Variants in CRY1 observed in about 807,000 individuals in gnomAD.
The protein encoded by CRY1 is cryptochrome-1.
Under a neutral mutation model 76.0 loss-of-function variants are expected in CRY1, and 45 were observed. The observed-to-expected ratio is 0.59, with a 90% CI of 0.47 to 0.76. CRY1 has a LOEUF of 0.76. CRY1 is among the 30% of genes least tolerant of loss of function. The probability of loss-of-function intolerance (pLI) is 0.00; values close to 1 mark genes in which losing one functional copy is unlikely to be tolerated. For missense variants in CRY1, 587 were observed against 716.4 expected, an observed-to-expected ratio of 0.82 and a Z score of 2.06; for synonymous variants, 248 against 244.0, an observed-to-expected ratio of 1.02 and a Z score of -0.15.
At chr12:107,076,590 G>A (rs1953254677) in intron 1 of CRY1, among the ~76,000 whole-genome samples, 2 of 149,280 alleles carry the variant, frequency 1.3e-5, no homozygotes, top group Non-Finnish European at 3.0e-5. Flanking sequence ...ACTCCAGCCT[G>A]CGTGACAAAA....
At chr12:107,045,836 G>T (rs1042563335) in intron 1 of CRY1, among the ~76,000 whole-genome samples, 27 of 152,194 alleles carry the variant, frequency 1.8e-4, no homozygotes, top group Middle Eastern at 3.4e-3. Flanking sequence ...GGGAGGGATA[G>T]CATTAGGAGA....
chr12:107,072,467 C>CT (rs1459068390), intron 1 of CRY1, among the ~76,000 whole-genome samples: 1 of 152,158 alleles, frequency 6.6e-6, no homozygotes, highest in East Asian at 1.9e-4. Flanking sequence ...AATCTGACTC[C>CT]TCTCAAAAAC....
intron 2 of CRY1, among the ~76,000 whole-genome samples, chr12:107,011,362 A>C (rs1385666213): frequency 6.0e-5 from 1 of 16,698 alleles, no homozygotes. Flanking sequence ...AAAACAAACA[A>C]AAAAAAAAAA....
intron 1 of CRY1, among the ~76,000 whole-genome samples, chr12:107,087,542 T>C (rs1477037387): frequency 2.0e-5 from 3 of 152,224 alleles, no homozygotes; most frequent in African/African-American, 7.2e-5. Flanking sequence ...GGGTCCCTTT[T>C]TGTTGGTCAA....
chr12:107,081,775 G>T (rs1236908438), intron 1 of CRY1, among the ~76,000 whole-genome samples: 1 of 152,028 alleles, frequency 6.6e-6, no homozygotes, highest in Non-Finnish European at 1.5e-5. Context: ...CAATGCTACA[G>T]TATTAAGAGG....
At chr12:106,994,901 CA>C (rs1952217231) in intron 10 of CRY1, among the ~76,000 whole-genome samples, 1 of 152,222 alleles carries the variant, frequency 6.6e-6, no homozygotes, top group African/African-American at 2.4e-5. Flanking sequence ...GAAGTTTATT[CA>C]AATTGTAGGA....
intron 2 of CRY1, among the ~76,000 whole-genome samples, chr12:107,016,218 G>A (rs1003681804): frequency 5.3e-5 from 8 of 152,160 alleles, no homozygotes; most frequent in African/African-American, 1.9e-4. Context: ...GCTGAGGCAC[G>A]AGAATCACTT....
In CRY1 at chr12:107,005,034, TTAAAAATGG is replaced by T; in HGVS notation, c.410+63_410+71del. Reference sequence around the variant, plus strand: ...TAGTTAATACCACCGAACTATATACTTAAAAATGGTTAAGATGGTAAATATTATGTTATA... The same window carrying T: ...TAGTTAATACCACCGAACTATATACTTTAAGATGGTAAATATTATGTTATA... On this transcript the variant is annotated intron_variant, in intron 3 of 12. Coordinates refer to ENST00000008527, the MANE Select transcript of CRY1 (RefSeq NM_004075.5). 3 of 1,460,186 alleles carry T rather than the reference TTAAAAATGG, an allele frequency of 2.1e-6. No homozygotes were observed. In the South Asian group the frequency reaches 3.8e-5, roughly 19 times the overall value. 90.5% of individuals were successfully genotyped at this position (1,460,186 alleles called of 1,614,324 possible). A position where few individuals can be genotyped will look rare whatever the true frequency, so the allele number is the denominator to read the frequency against.
chr12:107,018,151 T>TA (rs1489759952), intron 2 of CRY1, among the ~76,000 whole-genome samples: 3 of 152,260 alleles, frequency 2.0e-5, no homozygotes, highest in Admixed American at 1.3e-4. Flanking sequence ...CAAAGTAACT[T>TA]AAAAAAGCAT....
chr12:107,049,725 T>A (rs1012009385), intron 1 of CRY1: 2 of 152,150 alleles, frequency 1.3e-5, no homozygotes, highest in Non-Finnish European at 2.9e-5. Context: ...AAGAGATTTT[T>A]AAAAAATATT....
intron 1 of CRY1, among the ~76,000 whole-genome samples, chr12:107,046,139 A>T (rs1327279267): frequency 6.6e-6 from 1 of 151,616 alleles, no homozygotes; most frequent in African/African-American, 2.4e-5. Flanking sequence ...AAAAAAAAAA[A>T]AAAATTAGTT....
intron 1 of CRY1, among the ~76,000 whole-genome samples, chr12:107,052,166 A>G (rs563700259): frequency 6.9e-6 from 1 of 144,788 alleles, no homozygotes; most frequent in South Asian, 2.3e-4. Flanking sequence ...GAAGGTCATA[A>G]AAGAACCTAG....
rs772585429 is a variant in CRY1, at chr12:106,999,810, C to T, written c.878G>A (p.Arg293His). The T allele has an allele frequency of 1.7e-5, 27 of 1,614,132 alleles. No homozygotes were observed. Among genetic ancestry groups the T allele is most frequent in the Middle Eastern group, 3.3e-4 (2 of 6,062 alleles). ...PLSLYGQLLW[R>H]EFFYTAATNN... Reference sequence around the variant, plus strand: ...TGTTGCTGCTGTATAGAAAAATTCACGCCATAACAGTTGCCCATAAAGGGA... The same window carrying T: ...TGTTGCTGCTGTATAGAAAAATTCATGCCATAACAGTTGCCCATAAAGGGA... Residue 293 changes from arginine to histidine, a missense_variant, in exon 7 of 13, where the codon CGT becomes CAT. Transcript: ENST00000008527.
At chr12:107,047,837 C>T (rs1952867907) in intron 1 of CRY1, among the ~76,000 whole-genome samples, 2 of 152,028 alleles carry the variant, frequency 1.3e-5, no homozygotes, top group South Asian at 4.2e-4. Context: ...AACAATCTAA[C>T]AATGCATTAC....
At chr12:107,078,226 A>G (rs562491953) in intron 1 of CRY1, among the ~76,000 whole-genome samples, 1 of 152,166 alleles carries the variant, frequency 6.6e-6, no homozygotes, top group Non-Finnish European at 1.5e-5. Context: ...TGTCAATCAA[A>G]TACAAAGATG....
At position 107,001,907 on chromosome 12, in the gene CRY1, T is replaced by C. The variant is rs1242559137; in HGVS notation, c.452A>G (p.Lys151Arg). 4.4e-6 allele frequency: 7 copies of C among 1,599,124 alleles called. No individual in the cohort carries two copies. Among genetic ancestry groups the C allele is most frequent in the African/African-American group, 1.4e-5 (1 of 73,834 alleles). ...LNGGQPPLTY[K>R]RFQTLISKME... The stretch of plus-strand genomic sequence containing the variant: ...TTTGCTGATGAGAGTCTGGAATCTT[T>C]TATAAGTTAGAGGCGGTTGTCCACC... The change falls in exon 4 of 13, where the codon AAA (lysine) becomes AGA (arginine). Residue 151 changes from lysine (K) to arginine (R), a missense_variant. Coordinates refer to ENST00000008527, the MANE Select transcript of CRY1 (RefSeq NM_004075.5).
In CRY1 at chr12:107,036,583, TGG is replaced by T. The variant is rs1186336886; in HGVS notation, c.159-14393_159-14392del. On this transcript the variant is annotated intron_variant, in intron 1 of 12. Coordinates refer to ENST00000008527, the MANE Select transcript of CRY1 (RefSeq NM_004075.5). ...GACTTCCCAGTCCATTTAAAGTTGG[TGG>T]TTTTTTTTTTTTTTTAAGTCCTTAA... 7.0e-3 allele frequency among the ~76,000 whole-genome samples: 1,026 copies of T among 145,946 alleles called. 16 individuals carry two copies. Among genetic ancestry groups the T allele is most frequent in the African/African-American group, 0.026 (979 of 37,658 alleles).
chr12:107,065,166 C>T (rs1442586327), intron 1 of CRY1, among the ~76,000 whole-genome samples: 4 of 152,084 alleles, frequency 2.6e-5, no homozygotes, highest in Non-Finnish European at 4.4e-5. Flanking sequence ...CATGGTGGCA[C>T]GCGTCTGCAA....
At chr12:107,033,780 T>C (rs983544476) in intron 1 of CRY1, among the ~76,000 whole-genome samples, 2 of 150,798 alleles carry the variant, frequency 1.3e-5, no homozygotes, top group Admixed American at 6.7e-5. Context: ...GCATATGTAA[T>C]AGTGAAATGT....
Sources: gnomAD v4.1 joint callset for allele counts (sites outside exome capture counted in the v4.1 genomes callset) on GRCh38, gnomAD v4.1.1 for gene constraint, MANE v1.5 for transcripts, NCBI Gene and HGNC (gene_info 2026-07-23, HGNC 2026-07-21) for gene names.